POLR3H: variants seen among roughly 807,000 people sequenced by gnomAD.
The protein encoded by POLR3H is RNA polymerase III subunit H, also known as DNA-directed RNA polymerase III subunit RPC8.
Under a neutral mutation model 25.5 loss-of-function variants are expected in POLR3H, and 17 were observed. The ratio of observed to expected loss-of-function variants is 0.67; its 90% CI spans 0.46 to 1.00. POLR3H has a LOEUF of 1.00. POLR3H is among the 50% of genes least tolerant of loss of function. The pLI is 0.00. For missense variants in POLR3H, 274 were observed against 265.0 expected, an observed-to-expected ratio of 1.03 and a Z score of -0.24; for synonymous variants, 129 against 103.0, an observed-to-expected ratio of 1.25 and a Z score of -1.53.
intron 4 of POLR3H, 66 bp from the exon 5 acceptor site, chr22:41,530,954 C>G (rs2066718768): frequency 6.6e-7 from 1 of 1,510,506 alleles, no homozygotes; most frequent in East Asian, 2.3e-5. Flanking sequence ...CACCCACTCC[C>G]CGACCCCGCA....
Position 41,528,356 on chromosome 22 carries a change from A to G in POLR3H, c.*927T>C. The stretch of plus-strand genomic sequence containing the variant: ...TGGGCCATCAGGCACAGACTGGCCT[A>G]GGATTTGGTTTGCCTGCTGACCTCT... On this transcript the variant is annotated 3_prime_UTR_variant, in exon 6 of 6. Transcript: ENST00000355209. 2 of 1,385,874 alleles carry G rather than the reference A, an allele frequency of 1.4e-6. No homozygotes were observed. Among genetic ancestry groups the G allele is most frequent in the Non-Finnish European group, 1.9e-6 (2 of 1,030,196 alleles). The allele number at this position is 1,385,874 out of a possible 1,614,324, so 85.8% of individuals were successfully genotyped here.
intron 5 of POLR3H, 106 bp from the exon 6 acceptor site, chr22:41,529,442 C>T: frequency 4.2e-6 from 4 of 943,598 alleles, no homozygotes; most frequent in South Asian, 1.4e-5. Context: ...AAAGAAGAGG[C>T]GGGGCACACG....
intron 2 of POLR3H, 148 bp downstream of exon 2, chr22:41,540,551 C>T: frequency 1.4e-6 from 1 of 723,492 alleles, no homozygotes; most frequent in Middle Eastern, 3.0e-4. Context: ...CTATGTTGCC[C>T]AGGCTGGCCT....
chr22:41,532,775 C>T (rs2066765367), intron 2 of POLR3H, 30 bp from the exon 3 acceptor site: 1 of 1,607,392 alleles, frequency 6.2e-7, no homozygotes, highest in African/African-American at 1.3e-5. Flanking sequence ...ATCAGTGATG[C>T]TGACCGGGGC....
chr22:41,526,187 C>T lies in POLR3H; in HGVS notation c.*3096G>A. 1 of 1,371,370 alleles carries T rather than the reference C, an allele frequency of 7.3e-7. No homozygotes were observed. The highest frequency in any genetic ancestry group is 9.9e-7 in the Non-Finnish European group (1 of 1,011,264). The allele number at this position is 1,371,370 out of a possible 1,614,324, so 85.0% of individuals were successfully genotyped here. A position where few individuals can be genotyped will look rare whatever the true frequency, so the allele number is the denominator to read the frequency against. ...CCTCCTGGGCCCCGGGGCCTGCTGC[C>T]TGCCTCTGGAGGGCTTGTCATCCAC... On this transcript the variant is annotated 3_prime_UTR_variant, in exon 6 of 6. Coordinates refer to ENST00000355209, the MANE Select transcript of POLR3H (RefSeq NM_001018050.4).
rs183029644 is a variant in POLR3H, at chr22:41,536,311, C to T, written c.209-3566G>A. Among the ~76,000 whole-genome samples, 6 of 151,552 alleles carry T rather than the reference C, an allele frequency of 4.0e-5. No homozygotes were observed. The East Asian group carries it at 9.9e-4, about 25-fold the overall frequency. On this transcript the variant is annotated intron_variant, in intron 2 of 5. Transcript: ENST00000355209. ...TCGGGAGGCTGAGGCAGGAGAATGG[C>T]GTGAACCCGGGCGGCGGAGCTTGCA...
rs864309499 is a variant in POLR3H, at chr22:41,526,319, C to T, written c.*2964G>A. ...AGCTGCTGGCCCCTGGCTCAAGTTC[C>T]GTGGGCACTTGGATAACATCTCCAA... is the stretch of plus-strand genomic sequence containing the variant. On this transcript the variant is annotated 3_prime_UTR_variant, in exon 6 of 6. Coordinates refer to ENST00000355209, the MANE Select transcript of POLR3H (RefSeq NM_001018050.4). 3 of 1,612,900 alleles carry T rather than the reference C, an allele frequency of 1.9e-6. No homozygotes were observed. The highest frequency in any genetic ancestry group is 1.3e-5 in the African/African-American group (1 of 75,014).
chr22:41,529,391 T>G, intron 5 of POLR3H, 55 bp from the exon 6 acceptor site: 1 of 1,547,776 alleles, frequency 6.5e-7, no homozygotes, highest in African/African-American at 1.4e-5. Context: ...TGAACCAACC[T>G]GGACAGGAGG....
chr22:41,535,976 G>A (rs1293601735), intron 2 of POLR3H, among the ~76,000 whole-genome samples: 2 of 151,316 alleles, frequency 1.3e-5, no homozygotes, highest in Non-Finnish European at 2.9e-5. Context: ...GCATTTTTTA[G>A]AGACAGGGTT....
rs968652045 is a variant in POLR3H, at chr22:41,526,085, T to C, written c.*3198A>G. ...GGGATGAAGGCCTGGCCTGAGCCCA[T>C]GTGGCCTTAGGGTGGAAGCACCAGG... On this transcript the variant is annotated 3_prime_UTR_variant, in exon 6 of 6. Transcript: ENST00000355209. The C allele has an allele frequency of 1.5e-5, 9 of 586,834 alleles. No individual in the cohort carries two copies. Among genetic ancestry groups the C allele is most frequent in the Non-Finnish European group, 2.4e-5 (8 of 333,648 alleles). The allele number at this position is 586,834 out of a possible 1,614,324, so 36.4% of individuals were successfully genotyped here. A position where few individuals can be genotyped will look rare whatever the true frequency, so the allele number is the denominator to read the frequency against.
chr22:41,528,134 A>G lies in POLR3H; in HGVS notation c.*1149T>C. 1 of 1,498,248 alleles carries G rather than the reference A, an allele frequency of 6.7e-7. No homozygotes were observed. Among genetic ancestry groups the G allele is most frequent in the South Asian group, 1.2e-5 (1 of 80,226 alleles). The allele number at this position is 1,498,248 out of a possible 1,614,324, so 92.8% of individuals were successfully genotyped here. On this transcript the variant is annotated 3_prime_UTR_variant, in exon 6 of 6. Coordinates refer to ENST00000355209, the MANE Select transcript of POLR3H (RefSeq NM_001018050.4). ...CCAGGAGGCTTCATTCCAGCTGGAAAGGCCCCCAGTTCTCCAGGTGGCCCC... is the reference window on the plus strand; with the variant it reads ...CCAGGAGGCTTCATTCCAGCTGGAAGGGCCCCCAGTTCTCCAGGTGGCCCC...
intron 2 of POLR3H, among the ~76,000 whole-genome samples, chr22:41,534,752 G>A (rs908419238): frequency 1.3e-5 from 2 of 152,090 alleles, no homozygotes; most frequent in African/African-American, 4.8e-5. Flanking sequence ...AAATTAGCCA[G>A]GCGTGGTATT....
rs143736815 is a variant in POLR3H, at chr22:41,530,795, C to G, written c.453G>C (p.Arg151=). 6.8e-6 allele frequency: 11 copies of G among 1,613,978 alleles called. No individual in the cohort carries two copies. The South Asian group carries it at 1.1e-4, about 16-fold the overall frequency. The change falls in exon 5 of 6, where the codon CGG becomes CGC. Residue 151 remains arginine, a synonymous_variant. Transcript: ENST00000355209. ...TGTCAACAAAGCTCTCGTCCACCACCCGGAAGCGGATCTCCTCGCCGGTGT... is the reference window on the plus strand; with the variant it reads ...TGTCAACAAAGCTCTCGTCCACCACGCGGAAGCGGATCTCCTCGCCGGTGT... ...YMDTGEEIRF[R]VVDESFVDTS...
intron 5 of POLR3H, 30 bp downstream of exon 5, chr22:41,530,656 TG>T (rs2066709449): frequency 1.9e-6 from 3 of 1,587,904 alleles, no homozygotes; most frequent in Admixed American, 1.7e-5. Flanking sequence ...TCCCGCCTCA[TG>T]GGGGCTTCAG....
intron 2 of POLR3H, 89 bp downstream of exon 2, chr22:41,540,610 G>A (rs761384889): frequency 1.1e-5 from 11 of 971,886 alleles, no homozygotes; most frequent in Middle Eastern, 4.2e-4. Context: ...TTACAGGCAC[G>A]CACCACTGAA....
rs1601973649 is a variant in POLR3H at position 41,544,269 on chromosome 22, C to T, written c.-168G>A. ...GGGGCCCGGTCCGGGCCATGCTCCG[C>T]TACTACAACATGAGGAAACTGAGGC... On this transcript the variant is annotated 5_prime_UTR_variant, in exon 1 of 6. Coordinates refer to ENST00000355209, the MANE Select transcript of POLR3H (RefSeq NM_001018050.4). 1 of 579,232 alleles carries T rather than the reference C, an allele frequency of 1.7e-6. No individual in the cohort carries two copies. The highest frequency in any genetic ancestry group is 3.1e-6 in the Non-Finnish European group (1 of 323,484). The allele number at this position is 579,232 out of a possible 1,614,324, so 35.9% of individuals were successfully genotyped here.
At chr22:41,536,595 G>A (rs2066851235) in intron 2 of POLR3H, among the ~76,000 whole-genome samples, 1 of 151,286 alleles carries the variant, frequency 6.6e-6, no homozygotes, top group African/African-American at 2.4e-5. Flanking sequence ...GCCAGGCGCA[G>A]TGGCTCATGC....
rs1350533257 is a variant in POLR3H at position 41,529,151 on chromosome 22, G to A, written c.*132C>T. Reference sequence around the variant, plus strand: ...GTGGAGGAGCGGGGCAAGCTGGTGGGCACTCCTGGCCTTGCCTCACTGTCC... The same window carrying A: ...GTGGAGGAGCGGGGCAAGCTGGTGGACACTCCTGGCCTTGCCTCACTGTCC... On this transcript the variant is annotated 3_prime_UTR_variant, in exon 6 of 6. Transcript: ENST00000355209. 6.9e-6 allele frequency: 5 copies of A among 729,502 alleles called. No homozygotes were observed. The highest frequency in any genetic ancestry group is 1.1e-5 in the Non-Finnish European group (5 of 443,062). The allele number at this position is 729,502 out of a possible 1,614,324, so 45.2% of individuals were successfully genotyped here. A position where few individuals can be genotyped will look rare whatever the true frequency, so the allele number is the denominator to read the frequency against.
At chr22:41,535,198 G>A (rs1263866935) in intron 2 of POLR3H, among the ~76,000 whole-genome samples, 1 of 152,034 alleles carries the variant, frequency 6.6e-6, no homozygotes, top group Non-Finnish European at 1.5e-5. Flanking sequence ...CTCTTTGGGG[G>A]AAGCTAAAAA....
Sources: allele counts gnomAD v4.1 joint callset (sites outside exome capture counted in the v4.1 genomes callset), GRCh38; gene constraint gnomAD v4.1.1; transcripts MANE v1.5; gene names NCBI Gene and HGNC (gene_info 2026-07-23, HGNC 2026-07-21).